FBLN5: variants seen among roughly 807,000 people sequenced by gnomAD.
FBLN5 encodes fibulin-5.
A neutral mutation model predicts 61.6 loss-of-function variants in FBLN5; 24 were observed. The observed-to-expected ratio is 0.39, with a 90% CI of 0.28 to 0.55. FBLN5 has a LOEUF of 0.55. Ranked by LOEUF, FBLN5 falls within the 20% of genes least tolerant of loss-of-function variation. The pLI is 0.65. For synonymous variants in FBLN5, 213 were observed against 219.8 expected, an observed-to-expected ratio of 0.97 and a Z score of 0.27; for missense variants, 470 against 594.1, an observed-to-expected ratio of 0.79 and a Z score of 2.17.
At chr14:91,946,918 G>T in intron 1 of FBLN5, 1 of 1,458,696 alleles carries the variant, frequency 6.9e-7, no homozygotes, top group Non-Finnish European at 9.0e-7. Context: ...AAACGACAAA[G>T]TTGCTGCCCT....
intron 4 of FBLN5, among the ~76,000 whole-genome samples, chr14:91,898,043 C>T (rs946977750): frequency 2.0e-5 from 3 of 152,072 alleles, no homozygotes; most frequent in Non-Finnish European, 4.4e-5. Context: ...CAGCAAGACC[C>T]CATCTCAAAA....
chr14:91,880,483 C>T (rs1314167447), intron 9 of FBLN5, among the ~76,000 whole-genome samples: 2 of 151,938 alleles, frequency 1.3e-5, no homozygotes, highest in African/African-American at 2.4e-5. Flanking sequence ...ATAGCTCTGG[C>T]ATGAGTAGCG....
intron 4 of FBLN5, among the ~76,000 whole-genome samples, chr14:91,929,677 C>A (rs2055891365): frequency 1.3e-5 from 2 of 152,074 alleles, no homozygotes; most frequent in South Asian, 4.1e-4. Context: ...CTAACAAATT[C>A]AAACAATATA....
chr14:91,917,528 A>C (rs1054410518), intron 4 of FBLN5, among the ~76,000 whole-genome samples: 7 of 145,238 alleles, frequency 4.8e-5, no homozygotes, highest in Non-Finnish European at 9.0e-5. Flanking sequence ...GTGAGCCAAG[A>C]TCAAGCCACT....
At chr14:91,896,861 C>T (rs908308852) in intron 4 of FBLN5, among the ~76,000 whole-genome samples, 3 of 152,182 alleles carry the variant, frequency 2.0e-5, no homozygotes, top group Non-Finnish European at 2.9e-5. Context: ...TGAATACGTA[C>T]GGTGGGGATG....
intron 3 of FBLN5, among the ~76,000 whole-genome samples, chr14:91,938,898 A>T (rs2056063017): frequency 6.6e-6 from 1 of 152,216 alleles, no homozygotes; most frequent in South Asian, 2.1e-4. Context: ...GCCTGAAGCC[A>T]TCGCTGAAAT....
chr14:91,928,106 C>T (rs1016506668), intron 4 of FBLN5, among the ~76,000 whole-genome samples: 3 of 152,248 alleles, frequency 2.0e-5, no homozygotes, highest in African/African-American at 7.2e-5. Flanking sequence ...GTGGAAGGGA[C>T]TTCCTCACAA....
Position 91,909,304 on chromosome 14 carries a change from G to C in FBLN5, c.380-14232C>G, listed in dbSNP as rs1328087253. Among the ~76,000 whole-genome samples the C allele has an allele frequency of 2.6e-5, 4 of 152,208 alleles. No individual in the cohort carries two copies. In the East Asian group the frequency reaches 7.7e-4, roughly 29 times the overall value. On this transcript the variant is annotated intron_variant, in intron 4 of 10. Transcript: ENST00000342058. ...CACTAGCCTAGCCATAAGACTGTGA[G>C]TGATGCGAGGGCAGGAAACACACTT...
chr14:91,946,752 A>G, intron 1 of FBLN5: 1 of 1,535,988 alleles, frequency 6.5e-7, no homozygotes, highest in East Asian at 2.4e-5. Flanking sequence ...TTGGCTTGAA[A>G]CTTCTGTGAG....
At chr14:91,872,433 C>T (rs770697680) in intron 10 of FBLN5, among the ~76,000 whole-genome samples, 10 of 152,222 alleles carry the variant, frequency 6.6e-5, no homozygotes, top group South Asian at 2.1e-4. Context: ...CACTGCAGAG[C>T]CCAGCCCTGT....
intron 4 of FBLN5, among the ~76,000 whole-genome samples, chr14:91,909,926 G>C (rs1423477523): frequency 6.6e-6 from 1 of 152,168 alleles, no homozygotes; most frequent in African/African-American, 2.4e-5. Flanking sequence ...ACACTTGTGG[G>C]AATGTAAAAT....
chr14:91,947,058 T>G lies in FBLN5; in HGVS notation c.17+155A>C. The G allele has an allele frequency of 6.5e-7, 1 of 1,538,270 alleles. No homozygotes were observed. On this transcript the variant is annotated intron_variant, in intron 1 of 10. Transcript: ENST00000342058. The surrounding 1 kb of genome is among the most constrained non-coding windows in gnomAD (Gnocchi z 4.3). ...AAGATGGAAATTACAGAGGCGCAGC[T>G]TTTTATAATTAACAATATCATTGCA...
intron 3 of FBLN5, among the ~76,000 whole-genome samples, chr14:91,938,664 G>C (rs1031499161): frequency 6.6e-6 from 1 of 152,094 alleles, no homozygotes; most frequent in Non-Finnish European, 1.5e-5. Context: ...TACAGACAGG[G>C]GAGGCCTGAA....
chr14:91,901,313 A>G (rs1272223903), intron 4 of FBLN5, among the ~76,000 whole-genome samples: 1 of 152,206 alleles, frequency 6.6e-6, no homozygotes, highest in East Asian at 1.9e-4. Flanking sequence ...GCCAAAGGGA[A>G]ACATTCTCAC....
At chr14:91,920,755 T>C (rs1192315132) in intron 4 of FBLN5, among the ~76,000 whole-genome samples, 1 of 152,202 alleles carries the variant, frequency 6.6e-6, no homozygotes, top group Non-Finnish European at 1.5e-5. Context: ...CCAACCCACA[T>C]ACTCCATTGC....
intron 4 of FBLN5, among the ~76,000 whole-genome samples, chr14:91,898,793 ATTCT>A (rs1890329548): frequency 1.6e-5 from 2 of 121,810 alleles, no homozygotes; most frequent in African/African-American, 3.2e-5. Context: ...TCATTCATTC[ATTCT>A]TTTTTTTTTT....
intron 4 of FBLN5, among the ~76,000 whole-genome samples, chr14:91,897,756 G>C (rs576221794): frequency 6.6e-6 from 1 of 152,298 alleles, no homozygotes; most frequent in South Asian, 2.1e-4. Flanking sequence ...CTGAACTAAA[G>C]AATTAACTCA....
intron 3 of FBLN5, chr14:91,939,917 T>TAGA (rs374926198): frequency 5.1e-5 from 23 of 453,336 alleles, no homozygotes; most frequent in South Asian, 3.6e-4. Context: ...TTCTTAAAAG[T>TAGA]AGAAGAAGAA....
At chr14:91,934,938 C>T (rs529724800) in intron 4 of FBLN5, among the ~76,000 whole-genome samples, 32 of 152,248 alleles carry the variant, frequency 2.1e-4, no homozygotes, top group East Asian at 7.7e-4. Context: ...CTTTACAATA[C>T]GCAGAGGGAC....
Sources: allele counts gnomAD v4.1 joint callset (sites outside exome capture counted in the v4.1 genomes callset), GRCh38; gene constraint gnomAD v4.1.1; non-coding constraint Gnocchi (gnomAD v3.1); transcripts MANE v1.5; gene names NCBI Gene and HGNC (gene_info 2026-07-23, HGNC 2026-07-21).